AK7: variants seen among roughly 807,000 people sequenced by gnomAD.
The protein encoded by AK7 is ATP-AMP transphosphorylase 7.
A neutral mutation model predicts 96.6 loss-of-function variants in AK7; 78 were observed. The observed-to-expected ratio is 0.81, with a 90% CI of 0.67 to 0.97. The LOEUF is 0.97. Among genes scored for constraint, AK7 ranks in the 50% least tolerant of loss-of-function variants. The pLI is 0.00. For missense variants in AK7, 855 were observed against 887.9 expected (o/e 0.96, Z 0.47); for synonymous variants, 302 against 317.2 (o/e 0.95, Z 0.51).
chr14:96,468,074 A>G (rs971382846), intron 12 of AK7, among the ~76,000 whole-genome samples: 65 of 28,536 alleles, frequency 2.3e-3, no homozygotes, highest in Non-Finnish European at 3.9e-3. Flanking sequence ...CCGTCTCTAC[A>G]AAAAAAAAAA....
At chr14:96,487,662 C>T (rs1595475028) in intron 17 of AK7, among the ~76,000 whole-genome samples, 3 of 151,592 alleles carry the variant, frequency 2.0e-5, no homozygotes, top group South Asian at 2.1e-4. Context: ...TTCCTGACCT[C>T]GTGATCTGCC....
intron 4 of AK7, among the ~76,000 whole-genome samples, chr14:96,412,818 C>G (rs1891118530): frequency 6.6e-6 from 1 of 152,168 alleles, no homozygotes; most frequent in African/African-American, 2.4e-5. Context: ...CTGCGCACTT[C>G]AGCCTCCCAA....
intron 5 of AK7, among the ~76,000 whole-genome samples, chr14:96,436,668 C>T (rs1243292233): frequency 6.6e-6 from 1 of 152,014 alleles, no homozygotes; most frequent in South Asian, 2.1e-4. Flanking sequence ...AACAAACAAA[C>T]AAAAAACTCC....
chr14:96,434,150 G>A (rs1033878139), intron 5 of AK7, among the ~76,000 whole-genome samples: 2 of 152,162 alleles, frequency 1.3e-5, no homozygotes, highest in African/African-American at 4.8e-5. Context: ...GTAGAGTTAG[G>A]TATTTATTGT....
intron 16 of AK7, among the ~76,000 whole-genome samples, chr14:96,486,193 A>G (rs1895763198): frequency 6.6e-6 from 1 of 152,188 alleles, no homozygotes; most frequent in Non-Finnish European, 1.5e-5. Context: ...GTGAGGCTTG[A>G]TATAGTGGCT....
chr14:96,437,735 G>A (rs1013312589), intron 5 of AK7, 100 bp from the exon 6 acceptor site: 23 of 808,548 alleles, frequency 2.8e-5, no homozygotes, highest in East Asian at 2.4e-4. Flanking sequence ...AAGAGTTGAC[G>A]GAAGTTCTGA....
rs7359126 is a variant in AK7, at chr14:96,446,809, G to A, written c.870+202G>A. ...ACAAAAATTAGCCGGGCATAATGGCGGGTGCCTGTAATCTCAGCTACTCGG... is the reference window on the plus strand; with the variant it reads ...ACAAAAATTAGCCGGGCATAATGGCAGGTGCCTGTAATCTCAGCTACTCGG... On this transcript the variant is annotated intron_variant, in intron 8 of 17. Transcript: ENST00000267584. Among the ~76,000 whole-genome samples the A allele has an allele frequency of 6.7e-3, 1,020 of 152,090 alleles. 8 individuals carry two copies. Among genetic ancestry groups the A allele is most frequent in the African/African-American group, 0.022 (929 of 41,500 alleles).
At chr14:96,401,308 C>T (rs925356994) in intron 2 of AK7, among the ~76,000 whole-genome samples, 3 of 152,152 alleles carry the variant, frequency 2.0e-5, no homozygotes, top group Non-Finnish European at 4.4e-5. Context: ...GAGAGACAGG[C>T]AAATGAAGCT....
At chr14:96,412,358 G>A (rs992396073) in intron 4 of AK7, among the ~76,000 whole-genome samples, 1 of 151,144 alleles carries the variant, frequency 6.6e-6, no homozygotes, top group African/African-American at 2.4e-5. Context: ...CTCCCGAGTA[G>A]CTGGGATTAT....
At chr14:96,402,669 T>G (rs1356337312) in intron 2 of AK7, among the ~76,000 whole-genome samples, 1 of 152,206 alleles carries the variant, frequency 6.6e-6, no homozygotes, top group Non-Finnish European at 1.5e-5. Flanking sequence ...AAATTGTCAG[T>G]GGCTTCCCTC....
At chr14:96,406,169 T>G (rs2139999695) in intron 3 of AK7, among the ~76,000 whole-genome samples, 1 of 152,192 alleles carries the variant, frequency 6.6e-6, no homozygotes, top group Non-Finnish European at 1.5e-5. Context: ...TTCTCCTGCC[T>G]CAGCCTCCCA....
At chr14:96,419,783 T>TC (rs1891563365) in intron 4 of AK7, among the ~76,000 whole-genome samples, 3 of 127,562 alleles carry the variant, frequency 2.4e-5, no homozygotes, top group African/African-American at 9.5e-5. Flanking sequence ...TTTTTTTCTT[T>TC]CTTTTCTTTT....
rs182058617 is a variant in AK7 at position 96,395,070 on chromosome 14, G to A, written c.105+2811G>A. On this transcript the variant is annotated intron_variant, in intron 1 of 17. Coordinates refer to ENST00000267584, the MANE Select transcript of AK7 (RefSeq NM_152327.5). ...TAGAGACATGGGTCTCATTAACGTC[G>A]GCCAGGCTGGACTCGAGCTCCTGGG... Among the ~76,000 whole-genome samples, 49 of 152,202 alleles carry A rather than the reference G, an allele frequency of 3.2e-4. 1 individual carries two copies. The East Asian group carries it at 8.1e-3, about 25-fold the overall frequency.
intron 4 of AK7, 151 bp from the exon 5 acceptor site, chr14:96,420,671 C>CA: frequency 1.8e-6 from 1 of 555,488 alleles, no homozygotes; most frequent in Non-Finnish European, 3.1e-6. Context: ...CCAGCCTGGG[C>CA]AACACAGCGA....
At chr14:96,440,390 A>G (rs906667776) in intron 6 of AK7, among the ~76,000 whole-genome samples, 1 of 152,194 alleles carries the variant, frequency 6.6e-6, no homozygotes, top group African/African-American at 2.4e-5. Flanking sequence ...GAATCTTGGC[A>G]TTCGCAGGCC....
intron 5 of AK7, chr14:96,424,155 G>T (rs1181917698): frequency 3.2e-6 from 2 of 625,952 alleles, no homozygotes; most frequent in Non-Finnish European, 3.0e-6. Flanking sequence ...CGGGTGCTGC[G>T]GCTGTTCGTC....
intron 15 of AK7, among the ~76,000 whole-genome samples, chr14:96,479,294 G>T (rs1481492405): frequency 6.6e-6 from 1 of 151,826 alleles, no homozygotes; most frequent in East Asian, 1.9e-4. Flanking sequence ...AGCCAGGATG[G>T]TCTCGATCTC....
intron 6 of AK7, among the ~76,000 whole-genome samples, chr14:96,441,921 G>C (rs901127721): frequency 6.6e-6 from 1 of 151,818 alleles, no homozygotes. Context: ...GTCCCCACTG[G>C]ACTCTCCTTC....
At chr14:96,458,780 A>G (rs1894084839) in intron 12 of AK7, among the ~76,000 whole-genome samples, 1 of 151,078 alleles carries the variant, frequency 6.6e-6, no homozygotes, top group Admixed American at 6.6e-5. Context: ...GCATCGTGGC[A>G]TGTGCCTATA....
Sources: allele counts gnomAD v4.1 joint callset (sites outside exome capture counted in the v4.1 genomes callset), GRCh38; gene constraint gnomAD v4.1.1; transcripts MANE v1.5; gene names NCBI Gene and HGNC (gene_info 2026-07-23, HGNC 2026-07-21).